NPC1: variants seen among roughly 807,000 people sequenced by gnomAD.
NPC1 encodes Niemann-Pick C1 protein.
In NPC1, 85 loss-of-function variants were observed where a neutral mutation model predicts 140.4. The ratio of observed to expected loss-of-function variants is 0.61; its 90% CI spans 0.51 to 0.72. The LOEUF (loss-of-function observed/expected upper bound fraction) is 0.72, where lower values mean the gene tolerates loss of function less well. Ranked by LOEUF, NPC1 falls within the 30% of genes least tolerant of loss-of-function variation. NPC1 has a pLI of 0.00. For missense variants in NPC1, 1,504 were observed against 1,623.8 expected (o/e 0.93, Z 1.27); for synonymous variants, 656 against 624.8 (o/e 1.05, Z -0.74).
At chr18:23,579,146 G>A (rs1331277736) in intron 1 of NPC1, among the ~76,000 whole-genome samples, 1 of 152,212 alleles carries the variant, frequency 6.6e-6, no homozygotes, top group Non-Finnish European at 1.5e-5. Flanking sequence ...AGTAGGACCT[G>A]CCTGCCTCTG....
chr18:23,586,469 C>G lies in NPC1; in HGVS notation c.-126G>C. ...AGGAGCGGAGGAGCAGGAGCAGGCG[C>G]TGACCGCGGCAGCAGGCTGCGCGCG... On this transcript the variant is annotated 5_prime_UTR_variant, in exon 1 of 25. Coordinates refer to ENST00000269228, the MANE Select transcript of NPC1 (RefSeq NM_000271.5). 6.9e-7 allele frequency: 1 copy of G among 1,458,710 alleles called. No individual in the cohort carries two copies. Among genetic ancestry groups the G allele is most frequent in the Non-Finnish European group, 9.0e-7 (1 of 1,112,306 alleles). 90.4% of individuals were successfully genotyped at this position (1,458,710 alleles called of 1,614,324 possible).
At chr18:23,525,421 A>G (rs183953074), downstream of NPC1, among the ~76,000 whole-genome samples, 224 of 150,812 alleles carry the variant, frequency 1.5e-3, no homozygotes, top group Middle Eastern at 6.8e-3. Context: ...TTAATTTATT[A>G]TAATAATAAT....
chr18:23,572,192 A>G lies in NPC1; in HGVS notation c.181-12T>C. ...CCTGGACAGAGTTCCTTTCAGGTGA[A>G]AGAGCACAGACACGGGAGTAGGCAA... On this transcript the variant is annotated splice_polypyrimidine_tract_variant and intron_variant, in intron 2 of 24. Transcript: ENST00000269228. The G allele has an allele frequency of 6.3e-7, 1 of 1,591,054 alleles. No individual in the cohort carries two copies. Among genetic ancestry groups the G allele is most frequent in the Non-Finnish European group, 8.6e-7 (1 of 1,159,492 alleles).
chr18:23,548,062 G>C lies in NPC1; in HGVS notation c.1701C>G (p.Val567=), dbSNP rs753324759. The C allele has an allele frequency of 6.8e-6, 11 of 1,612,634 alleles. No individual in the cohort carries two copies. Among genetic ancestry groups the C allele is most frequent in the Non-Finnish European group, 8.5e-6 (10 of 1,178,842 alleles). The part of the protein sequence containing the change: ...NATALVITFP[V]NNYYNDTEKL... ...TCTCTGTATCATTATAGTAATTATT[G>C]ACAGGGAAGGTAATCACAAGGGCAG... is the stretch of plus-strand genomic sequence containing the variant. Residue 567 remains valine, a synonymous_variant, in exon 11 of 25, where the codon GTC becomes GTG. Transcript: ENST00000269228.
downstream of NPC1, chr18:23,528,702 G>A (rs1304802831): frequency 2.6e-5 from 4 of 154,636 alleles, no homozygotes; most frequent in African/African-American, 9.7e-5. Flanking sequence ...GGAATCAGTA[G>A]GTCTGATCCC....
chr18:23,519,497 G>A (rs545767332), downstream of NPC1, among the ~76,000 whole-genome samples: 48 of 151,372 alleles, frequency 3.2e-4, no homozygotes, highest in African/African-American at 1.0e-3. Context: ...CAGCCTGGGT[G>A]ATGGAGCAAG....
chr18:23,562,559 G>A (rs2059058984), intron 4 of NPC1, among the ~76,000 whole-genome samples: 1 of 152,016 alleles, frequency 6.6e-6, no homozygotes, highest in African/African-American at 2.4e-5. Context: ...GGTTAACTAG[G>A]GTGACAGTCA....
chr18:23,575,435 G>A (rs556476993), intron 1 of NPC1, among the ~76,000 whole-genome samples: 1 of 152,102 alleles, frequency 6.6e-6, no homozygotes, highest in Non-Finnish European at 1.5e-5. Context: ...GAGCTGGATT[G>A]CACCTGGGAT....
At chr18:23,578,966 C>T (rs975330579) in intron 1 of NPC1, among the ~76,000 whole-genome samples, 1 of 152,232 alleles carries the variant, frequency 6.6e-6, no homozygotes, top group Non-Finnish European at 1.5e-5. Context: ...TTGCCTCTTC[C>T]GGAACAATGC....
At chr18:23,529,414 T>C, downstream of NPC1, 2 of 1,444,808 alleles carry the variant, frequency 1.4e-6, no homozygotes, top group Non-Finnish European at 1.8e-6. Context: ...ATCACTGGAG[T>C]TTCCTTGGGT....
chr18:23,570,487 G>C (rs753533325), intron 3 of NPC1, among the ~76,000 whole-genome samples: 4 of 152,128 alleles, frequency 2.6e-5, no homozygotes, highest in Non-Finnish European at 5.9e-5. Context: ...TTGTTGTTCT[G>C]AAAAAACAAT....
rs2145461930 is a variant in NPC1 at position 23,557,154 on chromosome 18, A to G, written c.918T>C (p.Asp306=). 2 of 1,613,884 alleles carry G rather than the reference A, an allele frequency of 1.2e-6. No individual in the cohort carries two copies. The highest frequency in any genetic ancestry group is 2.7e-5 in the African/African-American group (2 of 75,080). Residue 306 remains aspartate, a synonymous_variant, in exon 7 of 25, where the codon GAT becomes GAC. Coordinates refer to ENST00000269228, the MANE Select transcript of NPC1 (RefSeq NM_000271.5). ...RYFVSEYTPI[D]SNIAFSVNAS... Reference sequence around the variant, plus strand: ...CATTAACAGAAAAAGCTATATTGCTATCGATGGGAGTGTACTCGGAGACAA... The same window carrying G: ...CATTAACAGAAAAAGCTATATTGCTGTCGATGGGAGTGTACTCGGAGACAA...
At position 23,551,479 on chromosome 18, in the gene NPC1, G is replaced by C. The variant is rs2058871754; in HGVS notation, c.1654+148C>G. 2.0e-5 allele frequency: 15 copies of C among 765,044 alleles called. No individual in the cohort carries two copies. In the South Asian group the frequency reaches 2.1e-4, roughly 11 times the overall value. The allele number at this position is 765,044 out of a possible 1,614,324, so 47.4% of individuals were successfully genotyped here. A position where few individuals can be genotyped will look rare whatever the true frequency, so the allele number is the denominator to read the frequency against. ...ATCTGGAATGAAACCCAAACCCAAA[G>C]CCAAAGGAGATACTATTCTGGGATT... is the stretch of plus-strand genomic sequence containing the variant. On this transcript the variant is annotated intron_variant, in intron 10 of 24. Coordinates refer to ENST00000269228, the MANE Select transcript of NPC1 (RefSeq NM_000271.5).
intron 4 of NPC1, among the ~76,000 whole-genome samples, chr18:23,562,194 C>G (rs947259838): frequency 1.3e-5 from 2 of 151,376 alleles, no homozygotes; most frequent in East Asian, 3.9e-4. Flanking sequence ...GAGGCTGAGG[C>G]GGGAGAATGG....
intron 1 of NPC1, among the ~76,000 whole-genome samples, chr18:23,580,769 G>C (rs530096066): frequency 1.2e-4 from 19 of 152,354 alleles, no homozygotes; most frequent in African/African-American, 4.1e-4. Flanking sequence ...GGCTGGAGTG[G>C]AGGGAGTGGC....
chr18:23,518,169 T>G (rs1206228025), downstream of NPC1, among the ~76,000 whole-genome samples: 3 of 152,202 alleles, frequency 2.0e-5, no homozygotes, highest in Non-Finnish European at 2.9e-5. Context: ...TCAGGAACTG[T>G]TCACAGCAAC....
chr18:23,551,693 G>A lies in NPC1; in HGVS notation c.1588C>T (p.His530Tyr). 1 of 1,614,150 alleles carries A rather than the reference G, an allele frequency of 6.2e-7. No homozygotes were observed. Among genetic ancestry groups the A allele is most frequent in the Non-Finnish European group, 8.5e-7 (1 of 1,180,014 alleles). The change falls in exon 10 of 25, where the codon CAT (histidine) becomes TAT (tyrosine). Residue 530 changes from histidine to tyrosine, a missense_variant. Transcript: ENST00000269228. ...CCAAACGTACCCAGACAAGGGTCAT[G>A]GAGCAAACTTGTATCATTCAGAGAG... is the stretch of plus-strand genomic sequence containing the variant. ...PASLNDTSLL[H>Y]DPCLGTFGGP... is the part of the protein sequence containing the mutation.
At chr18:23,535,406 GAC>G in intron 22 of NPC1, 61 bp downstream of exon 22, 1 of 1,191,734 alleles carries the variant, frequency 8.4e-7, no homozygotes, top group South Asian at 1.3e-5. Flanking sequence ...TGGAATCTAA[GAC>G]AGCCAATTCC....
Position 23,534,445 on chromosome 18 carries a change from C to A in NPC1, c.3591+1G>T. The A allele has an allele frequency of 6.2e-7, 1 of 1,608,924 alleles. No individual in the cohort carries two copies. The highest frequency in any genetic ancestry group is 8.5e-7 in the Non-Finnish European group (1 of 1,176,414). ...GGCGTGGCCCTGCTCAGGGTACTCA[C>A]GGAGCTGCCCATGTGGGCAAGTGCC... is the stretch of plus-strand genomic sequence containing the variant. On this transcript the variant is annotated splice_donor_variant, in intron 23 of 24. Coordinates refer to ENST00000269228, the MANE Select transcript of NPC1 (RefSeq NM_000271.5). LOFTEE classifies it high-confidence loss of function.
Sources: gnomAD v4.1 joint callset for allele counts (sites outside exome capture counted in the v4.1 genomes callset) on GRCh38, gnomAD v4.1.1 for gene constraint, MANE v1.5 for transcripts, NCBI Gene and HGNC (gene_info 2026-07-23, HGNC 2026-07-21) for gene names.